The following SH3PXD2A variants were observed in gnomAD, a reference collection of about 807,000 sequenced individuals.
SH3PXD2A encodes SH3 and PX domains 2A.
A neutral mutation model predicts 115.2 loss-of-function variants in SH3PXD2A; 32 were observed. That is an observed-to-expected ratio of 0.28 (90% CI 0.21 to 0.37). The LOEUF is 0.37. Ranked by LOEUF, SH3PXD2A falls within the 10% of genes least tolerant of loss-of-function variation. The pLI is 1.00. For synonymous variants in SH3PXD2A, 610 were observed against 629.1 expected (o/e 0.97, Z 0.45); for missense variants, 1,328 against 1,498.7 (o/e 0.89, Z 1.88).
intron 2 of SH3PXD2A, among the ~76,000 whole-genome samples, chr10:103,774,690 G>C (rs2038861462): frequency 6.6e-6 from 1 of 152,158 alleles, no homozygotes; most frequent in Non-Finnish European, 1.5e-5. Context: ...TTCAAGTAAT[G>C]GTTAATCACC....
intron 1 of SH3PXD2A, among the ~76,000 whole-genome samples, chr10:103,805,114 C>A (rs2039188634): frequency 6.6e-6 from 1 of 152,186 alleles, no homozygotes; most frequent in Non-Finnish European, 1.5e-5. Flanking sequence ...AGGGGAAGGG[C>A]TTAACTGAGG....
At chr10:103,802,403 A>G (rs2039156037) in intron 1 of SH3PXD2A, among the ~76,000 whole-genome samples, 2 of 152,284 alleles carry the variant, frequency 1.3e-5, no homozygotes, top group African/African-American at 2.4e-5. Context: ...GGAGCCTCAC[A>G]ATGAAGGCAT....
At chr10:103,621,862 C>T (rs1333189513) in intron 10 of SH3PXD2A, among the ~76,000 whole-genome samples, 3 of 152,250 alleles carry the variant, frequency 2.0e-5, no homozygotes, top group Admixed American at 1.3e-4. Context: ...CCTGAAGCCC[C>T]AGCAGTTACT....
At chr10:103,677,520 TAGGAG>T (rs2037553758) in intron 6 of SH3PXD2A, among the ~76,000 whole-genome samples, 1 of 152,038 alleles carries the variant, frequency 6.6e-6, no homozygotes. Flanking sequence ...GGGTCAGGGG[TAGGAG>T]GAGAATTCAT....
intron 6 of SH3PXD2A, 102 bp downstream of exon 6, chr10:103,692,926 C>A (rs542165641): frequency 8.3e-6 from 7 of 848,404 alleles, no homozygotes; most frequent in Admixed American, 4.3e-5. Flanking sequence ...GCAAGGACAA[C>A]CCCCCCCTCC....
Position 103,703,771 on chromosome 10 carries a change from C to T in SH3PXD2A, c.399-10715G>A, listed in dbSNP as rs145177785. 9.9e-5 allele frequency among the ~76,000 whole-genome samples: 15 copies of T among 152,176 alleles called. No homozygotes were observed. In the East Asian group the frequency reaches 2.5e-3, roughly 25 times the overall value. ...TTAAGACTTAGATTTAAAGAGCCAC[C>T]GTGGCTACTGGCTACTTTATTGGAC... On this transcript the variant is annotated intron_variant, in intron 5 of 14. Transcript: ENST00000369774.
At chr10:103,799,165 C>T (rs1340160364) in intron 2 of SH3PXD2A, among the ~76,000 whole-genome samples, 3 of 152,206 alleles carry the variant, frequency 2.0e-5, no homozygotes, top group Admixed American at 1.3e-4. Flanking sequence ...CTAAGCTGCT[C>T]TCTTACACAA....
chr10:103,822,996 G>A (rs1287892601), intron 1 of SH3PXD2A, among the ~76,000 whole-genome samples: 1 of 152,176 alleles, frequency 6.6e-6, no homozygotes, highest in Non-Finnish European at 1.5e-5. Context: ...AGACTTCGTG[G>A]GAGGGAGCTG....
intron 2 of SH3PXD2A, among the ~76,000 whole-genome samples, chr10:103,783,065 C>T (rs888721123): frequency 5.3e-5 from 8 of 152,066 alleles, no homozygotes; most frequent in African/African-American, 1.9e-4. Context: ...GGCCTGGTGG[C>T]AGCACTGCGC....
rs1225630606 is a variant in SH3PXD2A, at chr10:103,662,590, G to T, written c.473-1476C>A. 2.0e-5 allele frequency among the ~76,000 whole-genome samples: 3 copies of T among 150,200 alleles called. No individual in the cohort carries two copies. In the East Asian group the frequency reaches 5.9e-4, roughly 30 times the overall value. ...AATTTTTTGTATTTTTAGTAGAGAC[G>T]GGGTTTCACCTTGTTAGCCAGGATG... On this transcript the variant is annotated intron_variant, in intron 7 of 14. Transcript: ENST00000369774.
chr10:103,641,078 C>T (rs1202112605), intron 8 of SH3PXD2A, among the ~76,000 whole-genome samples: 2 of 152,092 alleles, frequency 1.3e-5, no homozygotes, highest in Admixed American at 1.3e-4. Context: ...AAAAGCTGTG[C>T]CAGGATTAGG....
chr10:103,758,467 C>T (rs1034640664), intron 3 of SH3PXD2A, among the ~76,000 whole-genome samples: 2 of 152,224 alleles, frequency 1.3e-5, no homozygotes, highest in Admixed American at 6.5e-5. Context: ...AATTGCTCAT[C>T]TATTTGTCTT....
chr10:103,793,783 A>G (rs2039060300), intron 2 of SH3PXD2A, among the ~76,000 whole-genome samples: 1 of 152,080 alleles, frequency 6.6e-6, no homozygotes, highest in South Asian at 2.1e-4. Flanking sequence ...ATCTCGAACA[A>G]ATTCCCTCAA....
At position 103,602,612 on chromosome 10, in the gene SH3PXD2A, A is replaced by G. The variant is rs763115087; in HGVS notation, c.2606T>C (p.Val869Ala). 7.4e-6 allele frequency: 12 copies of G among 1,613,814 alleles called. No individual in the cohort carries two copies. The East Asian group carries it at 2.7e-4, about 36-fold the overall frequency. ...CCACCCGCTCTCCTGCTTCTCCAGC[A>G]CCTGCACCTCCACGCCCGCGGGGAA... ...ISFPAGVEVQ[V>A]LEKQESGWWY... The change falls in exon 15 of 15, where the codon GTG becomes GCG. Residue 869 changes from valine (V) to alanine (A), a missense_variant. Val to Ala is a moderately conservative substitution (Grantham distance 64). Transcript: ENST00000369774.
intron 2 of SH3PXD2A, 112 bp from the exon 3 acceptor site, chr10:103,767,281 G>C: frequency 1.3e-6 from 1 of 756,358 alleles, no homozygotes; most frequent in South Asian, 1.5e-5. Flanking sequence ...ACACGGATGA[G>C]TGACGCCTGA....
chr10:103,607,849 T>C (rs2133920431), intron 13 of SH3PXD2A, among the ~76,000 whole-genome samples: 1 of 152,228 alleles, frequency 6.6e-6, no homozygotes, highest in African/African-American at 2.4e-5. Context: ...TCTGTGACCT[T>C]ACCCCCAACC....
At chr10:103,686,104 T>C (rs138728004) in intron 6 of SH3PXD2A, among the ~76,000 whole-genome samples, 1 of 152,300 alleles carries the variant, frequency 6.6e-6, no homozygotes, top group East Asian at 1.9e-4. Context: ...AGTTTTATGA[T>C]CACTGAGATA....
chr10:103,632,610 C>G (rs1057448854), intron 8 of SH3PXD2A, among the ~76,000 whole-genome samples: 9 of 151,672 alleles, frequency 5.9e-5, no homozygotes, highest in Non-Finnish European at 1.2e-4. Flanking sequence ...GCCTGTCTAT[C>G]TTTGCTCAGT....
At chr10:103,616,182 T>A (rs2036516331) in intron 11 of SH3PXD2A, among the ~76,000 whole-genome samples, 1 of 152,162 alleles carries the variant, frequency 6.6e-6, no homozygotes, top group South Asian at 2.1e-4. Context: ...TGAGCAACTG[T>A]CCCACGAGTA....
Sources: allele counts gnomAD v4.1 joint callset (sites outside exome capture counted in the v4.1 genomes callset), GRCh38; gene constraint gnomAD v4.1.1; transcripts MANE v1.5; gene names NCBI Gene and HGNC (gene_info 2026-07-23, HGNC 2026-07-21).